The following EDN1 variants were observed in gnomAD, a reference collection of about 807,000 sequenced individuals.
EDN1 encodes the protein endothelin-1.
EDN1 carries 11 observed loss-of-function variants against 21.7 expected under a neutral mutation model. That is an observed-to-expected ratio of 0.51 (90% confidence interval 0.32 to 0.84). The LOEUF is 0.84. Ranked by LOEUF, EDN1 falls within the 40% of genes least tolerant of loss-of-function variation. The pLI, the probability that EDN1 is intolerant of heterozygous loss-of-function variation, is 0.03. For synonymous variants in EDN1, 85 were observed against 90.6 expected (o/e 0.94, Z 0.35); for missense variants, 244 against 262.3 (o/e 0.93, Z 0.48).
the EDN1 span, among the ~76,000 whole-genome samples, chr6:12,278,796 C>T: frequency 1.3e-5 from 2 of 151,990 alleles, no homozygotes; most frequent in African/African-American, 2.4e-5. Flanking sequence ...ACTTGGGAGG[C>T]TGAGTCATGA....
chr6:12,287,521 G>C (rs187581535), upstream of EDN1, among the ~76,000 whole-genome samples: 1 of 152,090 alleles, frequency 6.6e-6, no homozygotes, highest in Non-Finnish European at 1.5e-5. Context: ...CTGTGGGCTT[G>C]AATGGGGCTT....
chr6:12,232,162 TATA>T, the EDN1 span, among the ~76,000 whole-genome samples: 2 of 132,982 alleles, frequency 1.5e-5, no homozygotes, highest in Non-Finnish European at 3.3e-5. Context: ...ATATTTATAA[TATA>T]ATATAATAAA....
chr6:12,276,986 G>C, the EDN1 span, among the ~76,000 whole-genome samples: 1 of 152,194 alleles, frequency 6.6e-6, no homozygotes, highest in Admixed American at 6.5e-5. Flanking sequence ...AGAATGATAA[G>C]AAAGGAGGAA....
the EDN1 span, among the ~76,000 whole-genome samples, chr6:12,266,576 A>G: frequency 6.6e-6 from 1 of 152,208 alleles, no homozygotes; most frequent in South Asian, 2.1e-4. Context: ...GCAAGTGCTA[A>G]GGTGGGAACC....
At position 12,296,121 on chromosome 6, in the gene EDN1, G is replaced by A. The variant is rs1055592337; in HGVS notation, c.*54G>A. The A allele has an allele frequency of 1.1e-5, 16 of 1,473,902 alleles. No individual in the cohort carries two copies. The highest frequency in any genetic ancestry group is 3.3e-5 in the Admixed American group (2 of 59,756). 91.3% of individuals were successfully genotyped at this position (1,473,902 alleles called of 1,614,324 possible). A position where few individuals can be genotyped will look rare whatever the true frequency, so the allele number is the denominator to read the frequency against. ...AGCCTCCACGGAGAGCCCTGTGGCC[G>A]ACTCTGCACTCTCCACCCTGGCTGG... On this transcript the variant is annotated 3_prime_UTR_variant, in exon 5 of 5. Transcript: ENST00000379375.
At chr6:12,238,205 G>T in the EDN1 span, among the ~76,000 whole-genome samples, 1 of 149,978 alleles carries the variant, frequency 6.7e-6, no homozygotes, top group Non-Finnish European at 1.5e-5. Flanking sequence ...AACCCAAAAT[G>T]CAGCAGAAAA....
the EDN1 span, among the ~76,000 whole-genome samples, chr6:12,273,200 A>G: frequency 7.9e-5 from 12 of 152,350 alleles, no homozygotes; most frequent in South Asian, 2.1e-4. Flanking sequence ...CATCCAATCC[A>G]AGTCCTGATA....
intron 4 of EDN1, among the ~76,000 whole-genome samples, 180 bp from the exon 5 acceptor site, chr6:12,295,782 T>G (rs1255486802): frequency 2.0e-5 from 3 of 152,204 alleles, no homozygotes; most frequent in Non-Finnish European, 4.4e-5. Flanking sequence ...AGGGGCAGGC[T>G]TTATTTTTAC....
the EDN1 span, among the ~76,000 whole-genome samples, chr6:12,262,853 T>C: frequency 7.7e-6 from 1 of 129,928 alleles, no homozygotes; most frequent in East Asian, 2.3e-4. Flanking sequence ...GTCTGGGTGA[T>C]AAAAGCAAAA....
chr6:12,266,447 C>T, the EDN1 span, among the ~76,000 whole-genome samples: 1 of 152,090 alleles, frequency 6.6e-6, no homozygotes, highest in African/African-American at 2.4e-5. Context: ...TAATCAATGC[C>T]CTGGAACTGC....
chr6:12,262,578 A>G, the EDN1 span, among the ~76,000 whole-genome samples: 2 of 152,214 alleles, frequency 1.3e-5, no homozygotes, highest in Admixed American at 6.6e-5. Context: ...GTAGACACAT[A>G]AAAATTTTCA....
chr6:12,253,918 T>A, the EDN1 span, among the ~76,000 whole-genome samples: 2 of 152,026 alleles, frequency 1.3e-5, no homozygotes, highest in Non-Finnish European at 2.9e-5. Flanking sequence ...TCTCAATCCA[T>A]CTCCTTCCCT....
chr6:12,252,409 G>A, the EDN1 span, among the ~76,000 whole-genome samples: 2 of 152,140 alleles, frequency 1.3e-5, no homozygotes, highest in African/African-American at 4.8e-5. Context: ...AAACACAAAC[G>A]AAATAAAAAT....
chr6:12,231,976 T>G, the EDN1 span, among the ~76,000 whole-genome samples: 3 of 151,184 alleles, frequency 2.0e-5, no homozygotes, highest in East Asian at 5.8e-4. Flanking sequence ...CCATAAAGAC[T>G]TTTTTAGCAT....
the EDN1 span, among the ~76,000 whole-genome samples, chr6:12,258,449 C>CA: frequency 4.8e-3 from 307 of 63,470 alleles, 12 homozygotes; most frequent in Admixed American, 5.8e-3. Context: ...GATCATGTCT[C>CA]AAAAAAAAAA....
At chr6:12,233,593 A>G in the EDN1 span, among the ~76,000 whole-genome samples, 1 of 152,190 alleles carries the variant, frequency 6.6e-6, no homozygotes, top group Non-Finnish European at 1.5e-5. Context: ...TACAGATGTT[A>G]TTATACAGAG....
At position 12,292,364 on chromosome 6, in the gene EDN1, G is replaced by A. The variant is rs1479572510; in HGVS notation, c.88G>A (p.Ala30Thr). The A allele has an allele frequency of 2.5e-6, 4 of 1,614,032 alleles. No homozygotes were observed. Among genetic ancestry groups the A allele is most frequent in the Admixed American group, 1.7e-5 (1 of 60,016 alleles). ...ETAVLGAELSAVGENGGEKPT... is the reference protein window; with the variant it reads ...ETAVLGAELSTVGENGGEKPT... Reference sequence around the variant, plus strand: ...AGCAGTCTTAGGCGCTGAGCTCAGCGCGGTGGGTGAGAACGGCGGGGAGAA... The same window carrying A: ...AGCAGTCTTAGGCGCTGAGCTCAGCACGGTGGGTGAGAACGGCGGGGAGAA... The change falls in exon 2 of 5, where the codon GCG (alanine) becomes ACG (threonine). Residue 30 changes from alanine to threonine, a missense_variant. Physicochemically the swap from Ala to Thr is moderately conservative, Grantham distance 58. Transcript: ENST00000379375.
Position 12,296,247 on chromosome 6 carries a change from T to G in EDN1, c.*180T>G, listed in dbSNP as rs1032352510. ...AGGTTAAGGAGTTCCCCCAACCATCTTCACTGGCTTCCATCAGTGGTAACT... is the reference window on the plus strand; with the variant it reads ...AGGTTAAGGAGTTCCCCCAACCATCGTCACTGGCTTCCATCAGTGGTAACT... On this transcript the variant is annotated 3_prime_UTR_variant, in exon 5 of 5. Transcript: ENST00000379375. 1 of 608,156 alleles carries G rather than the reference T, an allele frequency of 1.6e-6. No homozygotes were observed. Among genetic ancestry groups the G allele is most frequent in the East Asian group, 3.0e-5 (1 of 33,020 alleles). The allele number at this position is 608,156 out of a possible 1,614,324, so 37.7% of individuals were successfully genotyped here.
chr6:12,257,280 A>G, the EDN1 span, among the ~76,000 whole-genome samples: 2 of 152,210 alleles, frequency 1.3e-5, no homozygotes, highest in African/African-American at 4.8e-5. Context: ...TCTTCTTTGT[A>G]TGCATTTTAC....
Sources: allele counts gnomAD v4.1 joint callset (sites outside exome capture counted in the v4.1 genomes callset), GRCh38; gene constraint gnomAD v4.1.1; transcripts MANE v1.5; gene names NCBI Gene and HGNC (gene_info 2026-07-23, HGNC 2026-07-21).